The following CLCN3 variants were observed in gnomAD, a reference collection of about 807,000 sequenced individuals.
The protein encoded by CLCN3 is Cl-/H+ antiporter 3, also known as H(+)/Cl(-) exchange transporter 3.
Under a neutral mutation model 83.4 loss-of-function variants are expected in CLCN3, and 16 were observed. The ratio of observed to expected loss-of-function variants is 0.19; its 90% CI spans 0.13 to 0.29. CLCN3 has a LOEUF of 0.29. Ranked by LOEUF, CLCN3 falls within the 10% of genes least tolerant of loss-of-function variation. The pLI is 1.00. For missense variants in CLCN3, 544 were observed against 1,006.0 expected (o/e 0.54, Z 6.21); for synonymous variants, 322 against 346.2 (o/e 0.93, Z 0.78).
chr4:169,682,467 C>T (rs1002452110), intron 3 of CLCN3, among the ~76,000 whole-genome samples: 1 of 152,122 alleles, frequency 6.6e-6, no homozygotes, highest in Non-Finnish European at 1.5e-5. Context: ...GTCTGGAAAA[C>T]CATAGTTTGA....
intron 1 of CLCN3, among the ~76,000 whole-genome samples, chr4:169,625,539 A>T (rs184342117): frequency 7.1e-4 from 108 of 152,234 alleles, no homozygotes; most frequent in African/African-American, 2.5e-3. Flanking sequence ...AGTGTAATGG[A>T]GGTAACCTTC....
chr4:169,687,748 T>C lies in CLCN3; in HGVS notation c.409T>C (p.Leu137=), dbSNP rs1732218140. ...SGWLVVTLTG[L]ASGALAGLID... ...ATGGCTAGTAGTAACACTAACAGGA[T>C]TGGCATCAGGTAAAGAAAATTTTTC... The change falls in exon 4 of 13, where the codon TTG becomes CTG. Residue 137 remains leucine (L), a synonymous_variant. Transcript: ENST00000513761. 6.4e-7 allele frequency: 1 copy of C among 1,570,582 alleles called. No homozygotes were observed. Among genetic ancestry groups the C allele is most frequent in the South Asian group, 1.2e-5 (1 of 84,854 alleles).
chr4:169,680,042 T>A lies in CLCN3; in HGVS notation c.161-8T>A. 1 of 1,607,566 alleles carries A rather than the reference T, an allele frequency of 6.2e-7. No homozygotes were observed. Among genetic ancestry groups the A allele is most frequent in the Non-Finnish European group, 8.5e-7 (1 of 1,174,780 alleles). On this transcript the variant is annotated splice_polypyrimidine_tract_variant and splice_region_variant and intron_variant, in intron 2 of 12. Transcript: ENST00000513761. ...AAACATACTCATCTTTCCTTTTCTC[T>A]TCTGTAGGAACTCATTATACAATGA...
At chr4:169,695,588 A>T (rs747613318) in intron 7 of CLCN3, 24 bp from the exon 8 acceptor site, 1 of 1,536,264 alleles carries the variant, frequency 6.5e-7, no homozygotes, top group Non-Finnish European at 8.9e-7. Context: ...TGAAATTATG[A>T]AATAAGCCAT....
rs749593773 is a variant in CLCN3 at position 169,706,926 on chromosome 4, C to T, written c.1809C>T (p.Gly603=). The T allele has an allele frequency of 4.3e-6, 7 of 1,614,036 alleles. No individual in the cohort carries two copies. In the South Asian group the frequency reaches 6.6e-5, roughly 15 times the overall value. The part of the protein sequence containing the change: ...LVVIVFELTG[G]LEYIVPLMAA... The stretch of plus-strand genomic sequence containing the variant: ...TTATTGTTTTTGAGCTTACTGGAGG[C>T]TTGGAATATATTGTTCCCCTTATGG... Residue 603 remains glycine, a synonymous_variant, in exon 11 of 13, where the codon GGC becomes GGT. Coordinates refer to ENST00000513761, the MANE Select transcript of CLCN3 (RefSeq NM_001829.4).
intron 2 of CLCN3, among the ~76,000 whole-genome samples, chr4:169,667,292 A>C (rs1318343171): frequency 6.6e-6 from 1 of 150,434 alleles, no homozygotes; most frequent in African/African-American, 2.5e-5. Flanking sequence ...AAGAATAATG[A>C]ATCCTTTTTT....
intron 2 of CLCN3, among the ~76,000 whole-genome samples, chr4:169,641,785 C>T (rs1283270089): frequency 2.0e-5 from 3 of 152,152 alleles, no homozygotes; most frequent in Non-Finnish European, 4.4e-5. Flanking sequence ...AGCCTTTCCT[C>T]CTGTAAACGC....
intron 2 of CLCN3, among the ~76,000 whole-genome samples, 168 bp downstream of exon 2, chr4:169,636,256 G>A (rs908486531): frequency 6.6e-6 from 1 of 152,118 alleles, no homozygotes; most frequent in Non-Finnish European, 1.5e-5. Flanking sequence ...GCATTTAGCA[G>A]GTTCACAGTG....
intron 1 of CLCN3, among the ~76,000 whole-genome samples, chr4:169,622,659 A>G (rs72694717): frequency 1.3e-5 from 2 of 152,338 alleles, no homozygotes; most frequent in Non-Finnish European, 2.9e-5. Context: ...CGAAGTAGGT[A>G]CTTTCACTAA....
chr4:169,629,373 ATTT>A (rs1043103424), intron 1 of CLCN3, among the ~76,000 whole-genome samples: 1 of 146,944 alleles, frequency 6.8e-6, no homozygotes, highest in African/African-American at 2.5e-5. Flanking sequence ...ACTGTGACAC[ATTT>A]TTTTTTTTTG....
rs746746292 is a variant in CLCN3 at position 169,646,053 on chromosome 4, CTT to C, written c.160+9966_160+9967del. ...TACATTTTGATTACATAGTTTAACT[CTT>C]GATGAGCATTCTTATTTTTTTCTAT... is the stretch of plus-strand genomic sequence containing the variant. On this transcript the variant is annotated intron_variant, in intron 2 of 12. Coordinates refer to ENST00000513761, the MANE Select transcript of CLCN3 (RefSeq NM_001829.4). Among the ~76,000 whole-genome samples, 63 of 152,172 alleles carry C rather than the reference CTT, an allele frequency of 4.1e-4. 1 individual carries two copies. The highest frequency in any genetic ancestry group is 8.1e-4 in the Non-Finnish European group (55 of 67,986).
At chr4:169,711,259 CACCATTCAGTTGTTAGAT>C (rs2150272428) in intron 11 of CLCN3, among the ~76,000 whole-genome samples, 1 of 152,320 alleles carries the variant, frequency 6.6e-6, no homozygotes, top group South Asian at 2.1e-4. Flanking sequence ...AGTTGTCAGA[CACCATTCAGTTGTTAGAT>C]TGTTATGAGC....
intron 2 of CLCN3, among the ~76,000 whole-genome samples, chr4:169,677,643 G>T (rs1432412918): frequency 6.6e-6 from 1 of 152,180 alleles, no homozygotes; most frequent in Non-Finnish European, 1.5e-5. Flanking sequence ...AAGTGAACTT[G>T]CTAGGTTGAA....
chr4:169,651,954 G>A (rs1034840922), intron 2 of CLCN3, among the ~76,000 whole-genome samples: 5 of 152,050 alleles, frequency 3.3e-5, no homozygotes, highest in Non-Finnish European at 5.9e-5. Flanking sequence ...TAAACTAGAA[G>A]GGTTTAGGTA....
At position 169,652,079 on chromosome 4, in the gene CLCN3, C is replaced by T. The variant is rs72694763; in HGVS notation, c.160+15991C>T. 3.6e-3 allele frequency among the ~76,000 whole-genome samples: 548 copies of T among 152,208 alleles called. 3 individuals carry two copies. Among genetic ancestry groups the T allele is most frequent in the South Asian group, 0.022 (107 of 4,826 alleles). On this transcript the variant is annotated intron_variant, in intron 2 of 12. Coordinates refer to ENST00000513761, the MANE Select transcript of CLCN3 (RefSeq NM_001829.4). ...ATAACACATCAGAAAATGCATAAAACGTAATTGTGTAGTTTAATTAGTTAT... is the reference window on the plus strand; with the variant it reads ...ATAACACATCAGAAAATGCATAAAATGTAATTGTGTAGTTTAATTAGTTAT...
intron 2 of CLCN3, among the ~76,000 whole-genome samples, chr4:169,668,037 C>A (rs1731310906): frequency 6.9e-6 from 1 of 143,902 alleles, no homozygotes; most frequent in Non-Finnish European, 1.5e-5. Flanking sequence ...CCGCGCCCGG[C>A]CAGACATTTT....
At chr4:169,660,457 AT>A in intron 2 of CLCN3, 2 of 1,320,146 alleles carry the variant, frequency 1.5e-6, no homozygotes, top group Non-Finnish European at 1.9e-6. Context: ...AGGTAATACT[AT>A]CCCCTTGCTG....
At chr4:169,688,933 T>C in intron 4 of CLCN3, 110 bp from the exon 5 acceptor site, 1 of 785,788 alleles carries the variant, frequency 1.3e-6, no homozygotes, top group South Asian at 1.8e-5. Context: ...AGTTCATAAA[T>C]GACCCTTTAT....
chr4:169,656,835 G>A (rs1174455926), intron 2 of CLCN3, among the ~76,000 whole-genome samples: 2 of 152,154 alleles, frequency 1.3e-5, no homozygotes, highest in Non-Finnish European at 2.9e-5. Flanking sequence ...CCTGCTATTG[G>A]GGAGGCTGAG....
Sources: gnomAD v4.1 joint callset for allele counts (sites outside exome capture counted in the v4.1 genomes callset) on GRCh38, gnomAD v4.1.1 for gene constraint, MANE v1.5 for transcripts, NCBI Gene and HGNC (gene_info 2026-07-23, HGNC 2026-07-21) for gene names.